ACYP2: variants seen among roughly 807,000 people sequenced by gnomAD.
ACYP2 encodes acylphosphatase 2.
A neutral mutation model predicts 11.2 loss-of-function variants in ACYP2; 12 were observed. That is an observed-to-expected ratio of 1.08 (90% CI 0.69 to 1.74). ACYP2 has a LOEUF of 1.74. ACYP2 is among the 40% of genes most tolerant of loss of function. The probability of loss-of-function intolerance (pLI) is 0.00; values close to 1 mark genes in which losing one functional copy is unlikely to be tolerated. For missense variants in ACYP2, 134 were observed against 101.9 expected (o/e 1.31, Z -1.35); for synonymous variants, 43 against 32.2 (o/e 1.33, Z -1.13).
chr2:54,061,901 C>G (rs1043794630), intron 4 of ACYP2, among the ~76,000 whole-genome samples: 2 of 152,118 alleles, frequency 1.3e-5, no homozygotes, highest in Non-Finnish European at 2.9e-5. Context: ...TAATGAGACC[C>G]TGCCTCTATA....
intron 4 of ACYP2, among the ~76,000 whole-genome samples, chr2:54,070,621 C>T (rs1319920758): frequency 6.6e-6 from 1 of 152,162 alleles, no homozygotes; most frequent in Non-Finnish European, 1.5e-5. Flanking sequence ...CCTCTGTGTT[C>T]CAGGGAAACC....
chr2:54,026,703 A>C (rs116119362), intron 2 of ACYP2, among the ~76,000 whole-genome samples: 2,461 of 152,376 alleles, frequency 0.016, 33 homozygotes, highest in African/African-American at 0.037. Flanking sequence ...TCATGTATCT[A>C]TACCATAGAA....
At chr2:53,979,273 T>C (rs1671638177) in intron 2 of ACYP2, among the ~76,000 whole-genome samples, 1 of 151,934 alleles carries the variant, frequency 6.6e-6, no homozygotes, top group Non-Finnish European at 1.5e-5. Context: ...TCTTCATTTT[T>C]AACAAAAAAT....
At chr2:54,072,466 CTT>C (rs951477114) in intron 4 of ACYP2, among the ~76,000 whole-genome samples, 1 of 127,058 alleles carries the variant, frequency 7.9e-6, no homozygotes, top group East Asian at 3.3e-4. Flanking sequence ...TTCTTTCTTT[CTT>C]TTTCTTTCTT....
intron 4 of ACYP2, among the ~76,000 whole-genome samples, chr2:54,098,407 A>G (rs773172576): frequency 1.3e-5 from 2 of 152,056 alleles, no homozygotes; most frequent in African/African-American, 2.4e-5. Flanking sequence ...CCTTTTTTCT[A>G]TAACTCATTT....
At chr2:54,068,589 G>T (rs909125775) in intron 4 of ACYP2, among the ~76,000 whole-genome samples, 1 of 152,198 alleles carries the variant, frequency 6.6e-6, no homozygotes, top group African/African-American at 2.4e-5. Flanking sequence ...TGGTTTTTCA[G>T]TTCTTCCCTC....
At position 54,115,657 on chromosome 2, in the gene ACYP2, C is replaced by T. The variant is rs1373319876; in HGVS notation, c.278-19796C>T. ...CGCAGCCGCCGCAGTCGCTGCGCCC[C>T]GAGCCCCTCTCCGGCTCCTCAACAG... On this transcript the variant is annotated intron_variant, in intron 4 of 6. An upstream open reading frame in the 5' UTR gains an earlier in-frame stop. Coordinates refer to ENST00000607452, the MANE Select transcript of ACYP2 (RefSeq NM_001320586.2). 1.3e-6 allele frequency: 2 copies of T among 1,598,710 alleles called. No homozygotes were observed. Among genetic ancestry groups the T allele is most frequent in the Admixed American group, 3.5e-5 (2 of 57,862 alleles).
chr2:54,028,539 T>G (rs1243334307), intron 2 of ACYP2, among the ~76,000 whole-genome samples: 1 of 152,216 alleles, frequency 6.6e-6, no homozygotes, highest in African/African-American at 2.4e-5. Flanking sequence ...TAGTTATTTC[T>G]GGTACCTTCT....
chr2:54,242,883 A>G (rs1313913622), intron 6 of ACYP2, among the ~76,000 whole-genome samples: 7 of 152,246 alleles, frequency 4.6e-5, no homozygotes, highest in African/African-American at 1.7e-4. Context: ...ATTTCTCAGA[A>G]TGTATCCCAG....
intron 4 of ACYP2, among the ~76,000 whole-genome samples, chr2:54,133,769 G>C (rs1224121730): frequency 6.6e-6 from 1 of 152,124 alleles, no homozygotes. Context: ...CACTAAAGGG[G>C]TCCCATACCA....
At chr2:53,998,342 G>A (rs918527256) in intron 2 of ACYP2, among the ~76,000 whole-genome samples, 2 of 152,180 alleles carry the variant, frequency 1.3e-5, no homozygotes, top group African/African-American at 2.4e-5. Flanking sequence ...AAATCTGTAT[G>A]ATAACTTAAG....
At chr2:54,017,066 G>T (rs1673729650) in intron 2 of ACYP2, among the ~76,000 whole-genome samples, 1 of 145,184 alleles carries the variant, frequency 6.9e-6, no homozygotes, top group Non-Finnish European at 1.5e-5. Flanking sequence ...TTCTCACATG[G>T]CAGAAGGGTT....
rs1265304876 is a variant in ACYP2, at chr2:54,121,119, G to C, written c.278-14334G>C. On this transcript the variant is annotated intron_variant, in intron 4 of 6. Coordinates refer to ENST00000607452, the MANE Select transcript of ACYP2 (RefSeq NM_001320586.2). ...CTTGTCCCATGACCAAGAGGAATGA[G>C]GTACGCGGACACTGGAGAGTGAACA... Among the ~76,000 whole-genome samples the C allele has an allele frequency of 5.3e-5, 8 of 152,276 alleles. No homozygotes were observed. In the East Asian group the frequency reaches 1.5e-3, roughly 29 times the overall value.
intron 6 of ACYP2, among the ~76,000 whole-genome samples, chr2:54,279,774 C>T (rs1688764315): frequency 6.6e-6 from 1 of 152,154 alleles, no homozygotes; most frequent in African/African-American, 2.4e-5. Context: ...TTCTCACATT[C>T]CTTCATCATT....
intron 6 of ACYP2, among the ~76,000 whole-genome samples, chr2:54,164,402 A>G (rs1682863506): frequency 6.6e-6 from 1 of 152,196 alleles, no homozygotes; most frequent in African/African-American, 2.4e-5. Context: ...AGGGTGACCC[A>G]ATCATAATGA....
At chr2:54,161,345 A>G (rs1325969928) in intron 6 of ACYP2, among the ~76,000 whole-genome samples, 1 of 152,190 alleles carries the variant, frequency 6.6e-6, no homozygotes, top group African/African-American at 2.4e-5. Context: ...AATTATTTCC[A>G]ATGATCTCAA....
chr2:53,998,469 C>T (rs369386369), intron 2 of ACYP2, among the ~76,000 whole-genome samples: 88 of 152,226 alleles, frequency 5.8e-4, no homozygotes, highest in African/African-American at 2.0e-3. Context: ...TCTGGGTAGT[C>T]TGGATTTATG....
chr2:54,062,977 C>A (rs1001073472), intron 4 of ACYP2, among the ~76,000 whole-genome samples: 8 of 152,116 alleles, frequency 5.3e-5, no homozygotes, highest in Admixed American at 2.0e-4. Context: ...TATTCAGATA[C>A]CTTCATTAAT....
At chr2:54,267,150 G>T in intron 6 of ACYP2, 1 of 758,890 alleles carries the variant, frequency 1.3e-6, no homozygotes, top group Non-Finnish European at 2.1e-6. Context: ...TTGTTGAGTT[G>T]TTATAATGAG....
Sources: gnomAD v4.1 joint callset for allele counts (sites outside exome capture counted in the v4.1 genomes callset) on GRCh38, gnomAD v4.1.1 for gene constraint, MANE v1.5 for transcripts, NCBI Gene and HGNC (gene_info 2026-07-23, HGNC 2026-07-21) for gene names.